KCNK2: variants seen among roughly 807,000 people sequenced by gnomAD.
KCNK2 encodes potassium channel subfamily K member 2.
Under a neutral mutation model 40.5 loss-of-function variants are expected in KCNK2, and 21 were observed. The ratio of observed to expected loss-of-function variants is 0.52; its 90% CI spans 0.37 to 0.75. The LOEUF (loss-of-function observed/expected upper bound fraction) is 0.75. Among genes scored for constraint, KCNK2 ranks in the 30% least tolerant of loss-of-function variants. The pLI, the probability that KCNK2 is intolerant of heterozygous loss-of-function variation, is 0.00. For missense variants in KCNK2, 399 were observed against 531.6 expected (o/e 0.75, Z 2.45); for synonymous variants, 191 against 202.2 (o/e 0.94, Z 0.47).
chr1:215,234,414 C>T (rs1378066886), intron 6 of KCNK2, among the ~76,000 whole-genome samples: 1 of 152,170 alleles, frequency 6.6e-6, no homozygotes, highest in Non-Finnish European at 1.5e-5. Flanking sequence ...TTCTGCCTTG[C>T]TTCTTCTACT....
intron 2 of KCNK2, among the ~76,000 whole-genome samples, chr1:215,122,858 C>T (rs1013064467): frequency 6.6e-6 from 1 of 150,644 alleles, no homozygotes; most frequent in African/African-American, 2.4e-5. Flanking sequence ...CATTCTCCTG[C>T]CTCCACCTCC....
rs185083921 is a variant in KCNK2 at position 215,076,583 on chromosome 1, G to T, written c.35-9785G>T. On this transcript the variant is annotated intron_variant, in intron 1 of 6. Coordinates refer to the KCNK2 transcript ENST00000391895. Reference sequence around the variant, plus strand: ...GATGGTGAAACTGGCTTCTACCACAGAAAGAGAATCAAGAGAGAGCTAGAG... The same window carrying T: ...GATGGTGAAACTGGCTTCTACCACATAAAGAGAATCAAGAGAGAGCTAGAG... Among the ~76,000 whole-genome samples the T allele has an allele frequency of 3.8e-3, 585 of 152,302 alleles. 4 individuals are homozygous for T. The highest frequency in any genetic ancestry group is 0.013 in the African/African-American group (546 of 41,576).
chr1:215,024,300 C>T (rs1239169483), intron 1 of KCNK2, among the ~76,000 whole-genome samples: 1 of 152,158 alleles, frequency 6.6e-6, no homozygotes, highest in Non-Finnish European at 1.5e-5. Flanking sequence ...AGGCTGGAGC[C>T]AAGCCTAGGA....
intron 1 of KCNK2, among the ~76,000 whole-genome samples, chr1:215,058,946 C>T (rs889784534): frequency 6.6e-6 from 1 of 152,174 alleles, no homozygotes; most frequent in African/African-American, 2.4e-5. Context: ...GTCACTCAGT[C>T]TTTTGAGTCA....
intron 1 of KCNK2, among the ~76,000 whole-genome samples, chr1:215,069,025 T>A (rs1197981367): frequency 6.6e-6 from 1 of 152,168 alleles, no homozygotes; most frequent in Non-Finnish European, 1.5e-5. Flanking sequence ...TCACGGTTGC[T>A]AAGGAGATGG....
At chr1:215,154,799 G>A (rs1221637036) in intron 3 of KCNK2, among the ~76,000 whole-genome samples, 1 of 152,026 alleles carries the variant, frequency 6.6e-6, no homozygotes, top group Non-Finnish European at 1.5e-5. Context: ...TTCTGCATAT[G>A]GCTAGCCAGT....
rs1665064908 is a variant in KCNK2 at position 215,201,127 on chromosome 1, G to A, written c.963+6035G>A. ...CACCTTCACTTAAGGTGTGGGATGT[G>A]GAGACTATTTAGCAAATAATGTAGT... On this transcript the variant is annotated intron_variant, in intron 6 of 6. Transcript: ENST00000444842. Among the ~76,000 whole-genome samples, 3 of 152,240 alleles carry A rather than the reference G, an allele frequency of 2.0e-5. No individual in the cohort carries two copies. The South Asian group carries it at 6.2e-4, about 32-fold the overall frequency.
upstream of KCNK2, among the ~76,000 whole-genome samples, chr1:215,081,230 A>T (rs968462415): frequency 1.3e-5 from 2 of 151,798 alleles, no homozygotes; most frequent in African/African-American, 4.8e-5. Context: ...AACCTTACTG[A>T]TAAAATACCT....
intron 3 of KCNK2, among the ~76,000 whole-genome samples, chr1:215,130,958 T>TTG: frequency 6.6e-6 from 1 of 151,828 alleles, no homozygotes; most frequent in Admixed American, 6.6e-5. Context: ...CCTCCCAGGT[T>TTG]CACGCCATTC....
intron 1 of KCNK2, among the ~76,000 whole-genome samples, chr1:215,028,301 C>T (rs1407712310): frequency 1.3e-5 from 2 of 152,034 alleles, no homozygotes; most frequent in Non-Finnish European, 2.9e-5. Context: ...AGGAGAATCG[C>T]TTGAACCCAG....
chr1:215,158,448 T>A (rs1663027375), intron 3 of KCNK2, among the ~76,000 whole-genome samples: 1 of 152,224 alleles, frequency 6.6e-6, no homozygotes, highest in Non-Finnish European at 1.5e-5. Flanking sequence ...GGGTTCTCAT[T>A]TCTTATGCTC....
At chr1:215,179,117 C>G (rs12076019) in intron 5 of KCNK2, among the ~76,000 whole-genome samples, 2,413 of 151,770 alleles carry the variant, frequency 0.016, 88 homozygotes, top group African/African-American at 0.055. Context: ...TTTATTTCCT[C>G]TATATTTTTT....
At chr1:215,120,185 T>G (rs1356744962) in intron 2 of KCNK2, among the ~76,000 whole-genome samples, 1 of 152,184 alleles carries the variant, frequency 6.6e-6, no homozygotes, top group Non-Finnish European at 1.5e-5. Context: ...TTTAAATAAT[T>G]TGTGGACTTT....
chr1:215,007,009 A>ATGTGTGTGTGTG (rs1381649580), intron 1 of KCNK2, among the ~76,000 whole-genome samples: 4 of 13,876 alleles, frequency 2.9e-4, no homozygotes, highest in African/African-American at 4.9e-4. Flanking sequence ...ATATATATAT[A>ATGTGTGTGTGTG]TATATATATA....
chr1:215,179,750 T>A (rs184819933), intron 5 of KCNK2, among the ~76,000 whole-genome samples: 16 of 152,282 alleles, frequency 1.1e-4, no homozygotes, highest in Admixed American at 7.2e-4. Context: ...TTAATTTTTT[T>A]AAATTTATTG....
At chr1:215,057,573 T>C (rs1458405126) in intron 1 of KCNK2, among the ~76,000 whole-genome samples, 1 of 152,196 alleles carries the variant, frequency 6.6e-6, no homozygotes, top group Non-Finnish European at 1.5e-5. Flanking sequence ...CTGAAGTTCT[T>C]TCTGCTTGAA....
intron 6 of KCNK2, among the ~76,000 whole-genome samples, chr1:215,219,024 T>G (rs1024332241): frequency 3.3e-5 from 5 of 152,218 alleles, no homozygotes. Context: ...AAATCTGGAT[T>G]TAAAACTTGT....
intron 2 of KCNK2, among the ~76,000 whole-genome samples, chr1:215,107,704 C>A (rs894480630): frequency 3.3e-5 from 5 of 150,708 alleles, no homozygotes; most frequent in Non-Finnish European, 7.4e-5. Flanking sequence ...GTTTTTTTTT[C>A]TATTGAGTCA....
At chr1:215,172,255 T>C in intron 5 of KCNK2, 72 bp downstream of exon 5, 1 of 1,358,996 alleles carries the variant, frequency 7.4e-7, no homozygotes, top group Non-Finnish European at 1.0e-6. Context: ...CTTAGGTTTA[T>C]AACGAAACAC....
Sources: allele counts gnomAD v4.1 joint callset (sites outside exome capture counted in the v4.1 genomes callset), GRCh38; gene constraint gnomAD v4.1.1; transcripts MANE v1.5; gene names NCBI Gene and HGNC (gene_info 2026-07-23, HGNC 2026-07-21).